The following CCDC138 variants were observed in gnomAD, a reference collection of about 807,000 sequenced individuals.
The protein encoded by CCDC138 is coiled-coil domain-containing protein 138.
CCDC138 carries 66 observed loss-of-function variants against 82.3 expected under a neutral mutation model. The observed-to-expected ratio is 0.80, with a 90% confidence interval of 0.66 to 0.98. The LOEUF is 0.98. CCDC138 is among the 50% of genes least tolerant of loss of function. The probability of loss-of-function intolerance (pLI) is 0.00; values close to 1 mark genes in which losing one functional copy is unlikely to be tolerated. For missense variants in CCDC138, 816 were observed against 758.9 expected (o/e 1.08, Z -0.88); for synonymous variants, 297 against 265.4 (o/e 1.12, Z -1.16).
At chr2:108,833,652 C>T (rs769973200) in intron 10 of CCDC138, among the ~76,000 whole-genome samples, 1 of 151,328 alleles carries the variant, frequency 6.6e-6, no homozygotes, top group Non-Finnish European at 1.5e-5. Context: ...GATACCAGTA[C>T]TTACATAATA....
At chr2:108,849,328 G>A (rs1180086690) in intron 12 of CCDC138, among the ~76,000 whole-genome samples, 3 of 152,170 alleles carry the variant, frequency 2.0e-5, no homozygotes, top group African/African-American at 4.8e-5. Flanking sequence ...GAAATATGGT[G>A]AAAACTATAA....
rs1207947316 is a variant in CCDC138 at position 108,832,416 on chromosome 2, C to A, written c.1207-6769C>A. On this transcript the variant is annotated intron_variant, in intron 10 of 14. Coordinates refer to ENST00000295124, the MANE Select transcript of CCDC138 (RefSeq NM_144978.3). The stretch of plus-strand genomic sequence containing the variant: ...AGGCTGGAGTGCAATGGTGTGATCT[C>A]GGCTCACCGCAACCTCTGCCTCCCA... Among the ~76,000 whole-genome samples the A allele has an allele frequency of 2.1e-5, 3 of 142,888 alleles. No homozygotes were observed. In the Admixed American group the frequency reaches 2.2e-4, roughly 10 times the overall value. The allele number at this position is 142,888 out of a possible 152,430, so 93.7% of individuals were successfully genotyped here. A position where few individuals can be genotyped will look rare whatever the true frequency, so the allele number is the denominator to read the frequency against.
chr2:108,864,737 T>C (rs1476793862), intron 13 of CCDC138, among the ~76,000 whole-genome samples: 1 of 146,282 alleles, frequency 6.8e-6, no homozygotes, highest in Non-Finnish European at 1.5e-5. Flanking sequence ...GAGGTTGCAG[T>C]GAGTTGAGAG....
chr2:108,809,548 T>C (rs1683446758), intron 7 of CCDC138, among the ~76,000 whole-genome samples: 1 of 152,014 alleles, frequency 6.6e-6, no homozygotes, highest in Admixed American at 6.6e-5. Context: ...TTCACTTCCT[T>C]GGTTAAATTT....
intron 11 of CCDC138, among the ~76,000 whole-genome samples, chr2:108,841,791 G>T (rs1466611835): frequency 6.6e-6 from 1 of 151,696 alleles, no homozygotes; most frequent in Non-Finnish European, 1.5e-5. Flanking sequence ...CTACTGGGTG[G>T]TTCTTTTTGT....
chr2:108,865,049 C>T (rs1694212788), intron 13 of CCDC138, among the ~76,000 whole-genome samples: 1 of 152,056 alleles, frequency 6.6e-6, no homozygotes, highest in Admixed American at 6.5e-5. Context: ...TGTTTCCCTC[C>T]CTGGAGGGAA....
At chr2:108,819,193 G>C (rs1209041179) in intron 10 of CCDC138, among the ~76,000 whole-genome samples, 2 of 152,162 alleles carry the variant, frequency 1.3e-5, no homozygotes. Flanking sequence ...CAGTTGAGAA[G>C]CTGCAGCACT....
intron 10 of CCDC138, among the ~76,000 whole-genome samples, chr2:108,816,934 C>T (rs1684902436): frequency 6.6e-6 from 1 of 152,200 alleles, no homozygotes; most frequent in South Asian, 2.1e-4. Flanking sequence ...TAGCTTCAAG[C>T]ATTCCTCCTG....
chr2:108,793,160 A>G (rs1197367622), intron 4 of CCDC138, among the ~76,000 whole-genome samples: 1 of 151,500 alleles, frequency 6.6e-6, no homozygotes, highest in East Asian at 2.0e-4. Context: ...GATCCAGACC[A>G]TCCTGGCTAA....
At chr2:108,854,416 C>G (rs1045843841) in intron 12 of CCDC138, among the ~76,000 whole-genome samples, 3 of 151,776 alleles carry the variant, frequency 2.0e-5, no homozygotes, top group African/African-American at 7.3e-5. Flanking sequence ...TTTACTATTT[C>G]CACTACAATT....
chr2:108,796,117 C>T (rs183339090), intron 5 of CCDC138, among the ~76,000 whole-genome samples: 1 of 152,070 alleles, frequency 6.6e-6, no homozygotes, highest in East Asian at 1.9e-4. Flanking sequence ...GGCGCAATCT[C>T]GGCTCACTGC....
intron 12 of CCDC138, among the ~76,000 whole-genome samples, chr2:108,848,964 A>G (rs943343672): frequency 6.6e-6 from 1 of 152,202 alleles, no homozygotes; most frequent in Admixed American, 6.5e-5. Flanking sequence ...CAGTTATTAT[A>G]ACTATATCCC....
intron 9 of CCDC138, among the ~76,000 whole-genome samples, chr2:108,813,268 A>AAG (rs1684215379): frequency 6.6e-6 from 1 of 150,596 alleles, no homozygotes; most frequent in Non-Finnish European, 1.5e-5. Flanking sequence ...AAAAAAAAAA[A>AAG]AAAAGAAAAT....
At position 108,786,878 on chromosome 2, in the gene CCDC138, A is replaced by G. The variant is rs1221433830; in HGVS notation, c.56A>G (p.Lys19Arg). The G allele has an allele frequency of 3.2e-6, 5 of 1,574,440 alleles. No individual in the cohort carries two copies. The highest frequency in any genetic ancestry group is 4.3e-6 in the Non-Finnish European group (5 of 1,162,950). ...CAGGATTTAGTAGTGGAGAGTCTCA[A>G]AAGCCGCTACGGACTCGGGGGCAGC... ...PGQDLVVESL[K>R]SRYGLGGSCP... The change falls in exon 1 of 15, where the codon AAA (lysine) becomes AGA (arginine). Residue 19 changes from lysine (K) to arginine (R), a missense_variant. By Grantham distance (26) the Lys-to-Arg change is conservative. Transcript: ENST00000295124.
At chr2:108,857,475 A>G (rs959731460) in intron 13 of CCDC138, among the ~76,000 whole-genome samples, 2 of 152,194 alleles carry the variant, frequency 1.3e-5, no homozygotes, top group African/African-American at 4.8e-5. Flanking sequence ...CCAGCTAAAC[A>G]CAAGTAGAAC....
intron 2 of CCDC138, chr2:108,885,043 T>C (rs1197344114): frequency 1.3e-5 from 2 of 152,256 alleles, no homozygotes; most frequent in African/African-American, 4.8e-5. Flanking sequence ...GAATTAATAC[T>C]GAGAGATGCT....
In CCDC138 at chr2:108,788,834, T is replaced by G; in HGVS notation, c.152-18T>G. 3 of 1,613,942 alleles carry G rather than the reference T, an allele frequency of 1.9e-6. No individual in the cohort carries two copies. The highest frequency in any genetic ancestry group is 2.5e-6 in the Non-Finnish European group (3 of 1,179,884). On this transcript the variant is annotated intron_variant, in intron 2 of 14. Transcript: ENST00000295124. ...ATATTGTTGTGGTAATCTTTCATGGTTTCTTTGTCGTTGACAGGTGATTTG... is the reference window on the plus strand; with the variant it reads ...ATATTGTTGTGGTAATCTTTCATGGGTTCTTTGTCGTTGACAGGTGATTTG...
chr2:108,798,960 A>G (rs929164587), intron 6 of CCDC138, among the ~76,000 whole-genome samples: 4 of 152,108 alleles, frequency 2.6e-5, no homozygotes, highest in Admixed American at 1.3e-4. Flanking sequence ...CCATTAGCGC[A>G]TATCAGGAAA....
chr2:108,864,207 A>G (rs1694058878), intron 13 of CCDC138, among the ~76,000 whole-genome samples: 2 of 152,244 alleles, frequency 1.3e-5, no homozygotes, highest in Non-Finnish European at 1.5e-5. Context: ...ATAAAATCTA[A>G]CCCACCAATT....
Sources: gnomAD v4.1 joint callset for allele counts (sites outside exome capture counted in the v4.1 genomes callset) on GRCh38, gnomAD v4.1.1 for gene constraint, MANE v1.5 for transcripts, NCBI Gene and HGNC (gene_info 2026-07-23, HGNC 2026-07-21) for gene names.